The following EPS15L1 variants were observed in gnomAD, a reference collection of about 807,000 sequenced individuals.
EPS15L1 encodes the protein epidermal growth factor receptor pathway substrate 15 like 1.
Under a neutral mutation model 117.1 loss-of-function variants are expected in EPS15L1, and 43 were observed. The ratio of observed to expected loss-of-function variants is 0.37; its 90% CI spans 0.29 to 0.47. The LOEUF (loss-of-function observed/expected upper bound fraction) is 0.47. EPS15L1 is among the 20% of genes least tolerant of loss of function. The pLI, the probability that EPS15L1 is intolerant of heterozygous loss-of-function variation, is 0.99. For synonymous variants in EPS15L1, 459 were observed against 470.5 expected, an observed-to-expected ratio of 0.98 and a Z score of 0.32; for missense variants, 981 against 1,164.0, an observed-to-expected ratio of 0.84 and a Z score of 2.29.
intron 8 of EPS15L1, among the ~76,000 whole-genome samples, chr19:16,428,052 T>C (rs971604651): frequency 2.8e-5 from 4 of 144,432 alleles, no homozygotes; most frequent in African/African-American, 5.2e-5. Context: ...AATACAAAAA[T>C]GAGGTGGGCA....
At chr19:16,430,302 G>C (rs939377800) in intron 7 of EPS15L1, among the ~76,000 whole-genome samples, 1 of 152,210 alleles carries the variant, frequency 6.6e-6, no homozygotes, top group African/African-American at 2.4e-5. Flanking sequence ...CTAATGGACA[G>C]GGCAGGTGAA....
chr19:16,459,763 G>A (rs926119677), intron 1 of EPS15L1, among the ~76,000 whole-genome samples: 1 of 152,156 alleles, frequency 6.6e-6, no homozygotes, highest in African/African-American at 2.4e-5. Flanking sequence ...GGAGCAGGCC[G>A]TATTTACAAA....
chr19:16,470,056 T>G (rs1452809755), intron 1 of EPS15L1, among the ~76,000 whole-genome samples: 1 of 151,932 alleles, frequency 6.6e-6, no homozygotes, highest in Non-Finnish European at 1.5e-5. Flanking sequence ...ATTCAACAAA[T>G]GTATAGGGAA....
chr19:16,424,506 T>C (rs1476747389), intron 9 of EPS15L1, among the ~76,000 whole-genome samples: 1 of 151,900 alleles, frequency 6.6e-6, no homozygotes, highest in African/African-American at 2.4e-5. Flanking sequence ...TTCAAAACTC[T>C]TGGCAAGAGC....
rs1162302779 is a variant in EPS15L1 at position 16,400,336 on chromosome 19, C to CAAAAAAAAAAAA, written c.1791+1973_1791+1984dup. 7.7e-4 allele frequency among the ~76,000 whole-genome samples: 47 copies of CAAAAAAAAAAAA among 60,680 alleles called. 3 individuals carry two copies. Among genetic ancestry groups the CAAAAAAAAAAAA allele is most frequent in the Admixed American group, 6.7e-3 (36 of 5,338 alleles). 39.8% of individuals were successfully genotyped at this position (60,680 alleles called of 152,430 possible). ...TGGGAGACAGAGCGAGACTCCGTCT[C>CAAAAAAAAAAAA]AAAAAAAAAAAAACAAAAACAAAAA... is the stretch of plus-strand genomic sequence containing the variant. On this transcript the variant is annotated intron_variant, in intron 16 of 23. Coordinates refer to ENST00000455140, the MANE Select transcript of EPS15L1 (RefSeq NM_001258374.3).
intron 15 of EPS15L1, among the ~76,000 whole-genome samples, chr19:16,403,070 T>C (rs1367047294): frequency 6.6e-6 from 1 of 152,132 alleles, no homozygotes; most frequent in Non-Finnish European, 1.5e-5. Context: ...AGAGACCAGT[T>C]CAATTGGTAA....
chr19:16,449,492 A>G (rs1370726782), intron 1 of EPS15L1, among the ~76,000 whole-genome samples: 1 of 152,202 alleles, frequency 6.6e-6, no homozygotes, highest in Non-Finnish European at 1.5e-5. Flanking sequence ...AATGCTGGTG[A>G]GGATGCAGGC....
At chr19:16,388,608 A>G (rs1424836874) in intron 19 of EPS15L1, among the ~76,000 whole-genome samples, 1 of 152,094 alleles carries the variant, frequency 6.6e-6, no homozygotes, top group East Asian at 1.9e-4. Context: ...CAGGCAGATC[A>G]CGAGGTCAGA....
intron 19 of EPS15L1, among the ~76,000 whole-genome samples, chr19:16,390,179 G>A (rs1354110774): frequency 6.6e-6 from 1 of 152,040 alleles, no homozygotes; most frequent in East Asian, 1.9e-4. Context: ...GTAAATGGTT[G>A]AAAAATGATG....
At chr19:16,398,546 C>A (rs2092564060) in intron 16 of EPS15L1, among the ~76,000 whole-genome samples, 1 of 152,162 alleles carries the variant, frequency 6.6e-6, no homozygotes, top group African/African-American at 2.4e-5. Flanking sequence ...CACACTGCCC[C>A]ATGGAAGGAG....
intron 1 of EPS15L1, among the ~76,000 whole-genome samples, chr19:16,444,628 A>G (rs1417741416): frequency 6.6e-6 from 1 of 152,150 alleles, no homozygotes; most frequent in African/African-American, 2.4e-5. Context: ...ATCGCCTGCC[A>G]TGGGTTCACA....
intron 1 of EPS15L1, among the ~76,000 whole-genome samples, chr19:16,458,474 C>T (rs1684708105): frequency 1.4e-5 from 2 of 145,992 alleles, no homozygotes; most frequent in Non-Finnish European, 3.0e-5. Flanking sequence ...TTGCCCCATA[C>T]ATGCCTCTAC....
intron 1 of EPS15L1, among the ~76,000 whole-genome samples, chr19:16,452,261 C>T (rs2093152646): frequency 6.6e-6 from 1 of 151,864 alleles, no homozygotes; most frequent in Non-Finnish European, 1.5e-5. Context: ...GCCTGGCCAA[C>T]ATGGTGAAAC....
rs2093346155 is a variant in EPS15L1 at position 16,471,530 on chromosome 19, G to A, written c.33+383C>T. 6.6e-6 allele frequency among the ~76,000 whole-genome samples: 1 copy of A among 152,174 alleles called. No homozygotes were observed. On this transcript the variant is annotated intron_variant, in intron 1 of 23. Coordinates refer to ENST00000455140, the MANE Select transcript of EPS15L1 (RefSeq NM_001258374.3). The surrounding 1 kb of genome is among the most constrained non-coding windows in gnomAD (Gnocchi z 4.8). Reference sequence around the variant, plus strand: ...CCTGCCCGCCCGGGCGCCGGGACCGGAGGGAGACAAAGACTCGCTGGGCCG... The same window carrying A: ...CCTGCCCGCCCGGGCGCCGGGACCGAAGGGAGACAAAGACTCGCTGGGCCG...
intron 16 of EPS15L1, among the ~76,000 whole-genome samples, chr19:16,399,672 C>T (rs975022385): frequency 1.3e-5 from 2 of 149,014 alleles, no homozygotes; most frequent in Non-Finnish European, 3.0e-5. Flanking sequence ...CTGTTTTTTG[C>T]TTTTTGGGGT....
At chr19:16,380,448 C>T (rs1204738036) in intron 21 of EPS15L1, among the ~76,000 whole-genome samples, 4 of 152,144 alleles carry the variant, frequency 2.6e-5, no homozygotes, top group Non-Finnish European at 5.9e-5. Flanking sequence ...CCAATGCAGC[C>T]GTCTAAGGCT....
intron 22 of EPS15L1, among the ~76,000 whole-genome samples, chr19:16,375,320 G>A (rs2092280871): frequency 6.6e-6 from 1 of 151,986 alleles, no homozygotes. Flanking sequence ...CTGCAGGCGT[G>A]GAGGATGTGT....
At chr19:16,385,413 A>G in intron 20 of EPS15L1, among the ~76,000 whole-genome samples, 1 of 152,166 alleles carries the variant, frequency 6.6e-6, no homozygotes, top group Non-Finnish European at 1.5e-5. Context: ...TCTCACTGTG[A>G]CGACCACTCT....
intron 7 of EPS15L1, among the ~76,000 whole-genome samples, chr19:16,429,109 A>T (rs193061510): frequency 1.3e-5 from 2 of 152,094 alleles, no homozygotes; most frequent in African/African-American, 4.8e-5. Flanking sequence ...TGCCCTAAAC[A>T]CCCACACTCC....
Sources: allele counts gnomAD v4.1 joint callset (sites outside exome capture counted in the v4.1 genomes callset), GRCh38; gene constraint gnomAD v4.1.1; non-coding constraint Gnocchi (gnomAD v3.1); transcripts MANE v1.5; gene names NCBI Gene and HGNC (gene_info 2026-07-23, HGNC 2026-07-21).